ADCY9: variants seen among roughly 807,000 people sequenced by gnomAD.
ADCY9 encodes adenylate cyclase 9, also known as adenylate cyclase type 9.
ADCY9 carries 50 observed loss-of-function variants against 101.5 expected under a neutral mutation model. The ratio of observed to expected loss-of-function variants is 0.49; its 90% CI spans 0.39 to 0.62. ADCY9 has a LOEUF of 0.62. ADCY9 is among the 20% of genes least tolerant of loss of function. The pLI, the probability that ADCY9 is intolerant of heterozygous loss-of-function variation, is 0.00. For synonymous variants in ADCY9, 905 were observed against 769.3 expected (o/e 1.18, Z -2.92); for missense variants, 1,662 against 1,800.4 (o/e 0.92, Z 1.39).
Position 4,114,859 on chromosome 16 carries a change from A to G in ADCY9, c.584T>C (p.Leu195Ser), listed in dbSNP as rs781234631. 3 of 1,613,674 alleles carry G rather than the reference A, an allele frequency of 1.9e-6. No homozygotes were observed. Among genetic ancestry groups the G allele is most frequent in the Admixed American group, 1.7e-5 (1 of 60,036 alleles). Residue 195 changes from leucine (L) to serine (S), a missense_variant, in exon 2 of 11, where the codon TTG becomes TCG. By Grantham distance (145) the Leu-to-Ser change is moderately radical. Transcript: ENST00000294016. The surrounding 1 kb of genome is among the most constrained non-coding windows in gnomAD (Gnocchi z 4.3). The part of the protein sequence containing the change: ...ALTLAAQFQV[L>S]TPVSGRGDSS... ...GTCGCCGCGTCCTGAGACAGGCGTC[A>G]AGACCTGGAACTGCGCAGCCAGGGT...
intron 10 of ADCY9, among the ~76,000 whole-genome samples, chr16:3,971,689 G>A (rs757671765): frequency 2.6e-5 from 4 of 152,178 alleles, no homozygotes; most frequent in Non-Finnish European, 1.5e-5. Context: ...CGCTCGTTGG[G>A]TTAGGAGTTG....
In ADCY9 at chr16:4,114,607, C is replaced by G. The variant is rs1405359188; in HGVS notation, c.836G>C (p.Trp279Ser). The change falls in exon 2 of 11, where the codon TGG becomes TCG. Residue 279 changes from tryptophan (W) to serine (S), a missense_variant. Coordinates refer to ENST00000294016, the MANE Select transcript of ADCY9 (RefSeq NM_001116.4). The surrounding 1 kb of genome is among the most constrained non-coding windows in gnomAD (Gnocchi z 4.3). Reference protein sequence around the residue: ...FPSPGAGALHWELLSRGLLHG... With the variant: ...FPSPGAGALHSELLSRGLLHG... Reference sequence around the variant, plus strand: ...GAGCAGCCCCCTGCTCAGCAGCTCCCAGTGCAGGGCCCCGGCTCCGGGCGA... The same window carrying G: ...GAGCAGCCCCCTGCTCAGCAGCTCCGAGTGCAGGGCCCCGGCTCCGGGCGA... The G allele has an allele frequency of 6.2e-7, 1 of 1,613,822 alleles. No individual in the cohort carries two copies. Among genetic ancestry groups the G allele is most frequent in the Admixed American group, 1.7e-5 (1 of 60,032 alleles).
At chr16:4,071,439 G>C (rs559014286) in intron 2 of ADCY9, among the ~76,000 whole-genome samples, 1 of 150,762 alleles carries the variant, frequency 6.6e-6, no homozygotes, top group Non-Finnish European at 1.5e-5. Flanking sequence ...CCTTATAAAG[G>C]TTCCTGCAAA....
rs1382458827 is a variant in ADCY9 at position 4,097,553 on chromosome 16, A to ATATTTTT, written c.1693+16196_1693+16197insAAAAATA. Among the ~76,000 whole-genome samples the ATATTTTT allele has an allele frequency of 5.6e-3, 301 of 53,378 alleles. 9 individuals carry two copies. The highest frequency in any genetic ancestry group is 8.2e-3 in the African/African-American group (95 of 11,564). The allele number at this position is 53,378 out of a possible 152,430, so 35.0% of individuals were successfully genotyped here. A position where few individuals can be genotyped will look rare whatever the true frequency, so the allele number is the denominator to read the frequency against. ...CATATATATATATATATATATATAT[A>ATATTTTT]TTTTTTTTTTTTTTTTTTAAGACAG... On this transcript the variant is annotated intron_variant, in intron 2 of 10. Coordinates refer to ENST00000294016, the MANE Select transcript of ADCY9 (RefSeq NM_001116.4).
rs1016925521 is a variant in ADCY9, at chr16:3,963,675, G to A, written c.*2100C>T. ...GAACTTTGCGGAGCATGTTCTGAGC[G>A]AGACAGCAAGGTCGTGAGCAAACGC... On this transcript the variant is annotated 3_prime_UTR_variant, in exon 11 of 11. Coordinates refer to ENST00000294016, the MANE Select transcript of ADCY9 (RefSeq NM_001116.4). The A allele has an allele frequency of 7.7e-6, 2 of 260,868 alleles. No individual in the cohort carries two copies. The highest frequency in any genetic ancestry group is 7.2e-6 in the Non-Finnish European group (1 of 138,732). The allele number at this position is 260,868 out of a possible 1,614,324, so 16.2% of individuals were successfully genotyped here. A position where few individuals can be genotyped will look rare whatever the true frequency, so the allele number is the denominator to read the frequency against.
intron 2 of ADCY9, chr16:4,015,812 C>T (rs2056434919): frequency 6.6e-6 from 1 of 151,888 alleles, no homozygotes; most frequent in African/African-American, 2.4e-5. Context: ...ACTAAAACTA[C>T]AAAAATTAGC....
intron 2 of ADCY9, among the ~76,000 whole-genome samples, chr16:4,085,856 G>C (rs773209940): frequency 2.0e-5 from 3 of 151,948 alleles, no homozygotes; most frequent in Non-Finnish European, 2.9e-5. Flanking sequence ...CTCTTCCAGG[G>C]ACAACCAGTG....
intron 6 of ADCY9, chr16:3,983,822 G>A (rs1241476433): frequency 4.9e-6 from 1 of 204,972 alleles, no homozygotes; most frequent in Non-Finnish European, 9.9e-6. Flanking sequence ...CTACTCAGGA[G>A]GATGACGCAG....
At chr16:3,961,800 C>T (rs1450210685), downstream of ADCY9, among the ~76,000 whole-genome samples, 2 of 152,034 alleles carry the variant, frequency 1.3e-5, no homozygotes, top group African/African-American at 2.4e-5. Flanking sequence ...CTGAGGCGCA[C>T]GGATCACTTG....
chr16:4,090,552 T>G (rs1374029508), intron 2 of ADCY9, among the ~76,000 whole-genome samples: 1 of 152,020 alleles, frequency 6.6e-6, no homozygotes, highest in African/African-American at 2.4e-5. Flanking sequence ...CACCTCCCTG[T>G]GCTCCGAAGC....
chr16:4,001,611 C>A (rs760565119), intron 3 of ADCY9, among the ~76,000 whole-genome samples: 1 of 152,040 alleles, frequency 6.6e-6, no homozygotes, highest in African/African-American at 2.4e-5. Context: ...TGCAATGGTG[C>A]AATCTTGGCT....
intron 2 of ADCY9, among the ~76,000 whole-genome samples, chr16:4,055,670 A>G (rs2056733180): frequency 6.6e-6 from 1 of 152,002 alleles, no homozygotes; most frequent in East Asian, 1.9e-4. Context: ...CGTCTCTACT[A>G]AAAATACAAA....
intron 3 of ADCY9, among the ~76,000 whole-genome samples, chr16:3,996,931 C>G (rs192858824): frequency 3.9e-5 from 6 of 152,228 alleles, no homozygotes; most frequent in Admixed American, 3.3e-4. Flanking sequence ...GTGGGGAGAT[C>G]TTGGCTCACT....
At chr16:3,995,603 ATTT>A (rs34724133) in intron 3 of ADCY9, among the ~76,000 whole-genome samples, 1 of 146,462 alleles carries the variant, frequency 6.8e-6, no homozygotes, top group Admixed American at 6.8e-5. Context: ...CAAGAAATAT[ATTT>A]TTTTTTTTTT....
chr16:4,075,508 T>C (rs144979028), intron 2 of ADCY9, among the ~76,000 whole-genome samples: 53 of 152,292 alleles, frequency 3.5e-4, no homozygotes, highest in African/African-American at 1.3e-3. Flanking sequence ...GGAACATTAA[T>C]TTACAGCAGA....
At chr16:4,058,756 G>C (rs1009477884) in intron 2 of ADCY9, among the ~76,000 whole-genome samples, 1 of 152,114 alleles carries the variant, frequency 6.6e-6, no homozygotes, top group Non-Finnish European at 1.5e-5. Context: ...TGAGTCCACC[G>C]AGGAGCTAAA....
chr16:4,103,326 G>A (rs1333897131), intron 2 of ADCY9, among the ~76,000 whole-genome samples: 2 of 152,208 alleles, frequency 1.3e-5, no homozygotes, highest in African/African-American at 4.8e-5. Flanking sequence ...CAAGGCATCT[G>A]TGGAGTCTAA....
intron 2 of ADCY9, among the ~76,000 whole-genome samples, chr16:4,057,700 C>G (rs1225361985): frequency 1.3e-5 from 2 of 152,224 alleles, no homozygotes; most frequent in African/African-American, 4.8e-5. Flanking sequence ...GGAGTGATTT[C>G]TTGTTCATTC....
chr16:4,074,482 G>C (rs1423897575), intron 2 of ADCY9, among the ~76,000 whole-genome samples: 1 of 150,748 alleles, frequency 6.6e-6, no homozygotes, highest in East Asian at 1.9e-4. Context: ...AGCACTTGAG[G>C]CCAGGAGTTC....
Sources: gnomAD v4.1 joint callset for allele counts (sites outside exome capture counted in the v4.1 genomes callset) on GRCh38, gnomAD v4.1.1 for gene constraint, Gnocchi (gnomAD v3.1) non-coding constraint, MANE v1.5 for transcripts, NCBI Gene and HGNC (gene_info 2026-07-23, HGNC 2026-07-21) for gene names.